The following OR2L13 variants were observed in gnomAD, a reference collection of about 807,000 sequenced individuals.
OR2L13 encodes olfactory receptor family 2 subfamily L member 13.
Under a neutral mutation model 15.3 loss-of-function variants are expected in OR2L13, and 14 were observed. The observed-to-expected ratio is 0.91, with a 90% CI of 0.60 to 1.43. The LOEUF (loss-of-function observed/expected upper bound fraction) is 1.43. OR2L13 is among the 40% of genes most tolerant of loss of function. OR2L13 has a pLI of 0.00. For synonymous variants in OR2L13, 152 were observed against 142.9 expected (o/e 1.06, Z -0.45); for missense variants, 367 against 387.9 (o/e 0.95, Z 0.45).
chr1:247,998,658 A>T, the OR2L13 span, among the ~76,000 whole-genome samples: 1 of 152,190 alleles, frequency 6.6e-6, no homozygotes, highest in Admixed American at 6.5e-5. Flanking sequence ...ACCAGTCTGT[A>T]GTGCAATGAT....
chr1:247,953,101 C>A, the OR2L13 span, among the ~76,000 whole-genome samples: 2 of 152,092 alleles, frequency 1.3e-5, no homozygotes, highest in East Asian at 3.9e-4. Context: ...AAAAAGAAGT[C>A]AAATTATTCA....
At chr1:247,952,564 A>G in the OR2L13 span, among the ~76,000 whole-genome samples, 2 of 152,198 alleles carry the variant, frequency 1.3e-5, no homozygotes, top group Non-Finnish European at 2.9e-5. Flanking sequence ...AGATTTCTCC[A>G]GACACTGAAT....
chr1:248,039,214 T>A, the OR2L13 span: 1 of 1,598,050 alleles, frequency 6.3e-7, no homozygotes, highest in South Asian at 1.1e-5. Context: ...TAGACATACG[T>A]TCTGTGTTAG....
the OR2L13 span, among the ~76,000 whole-genome samples, chr1:247,991,791 A>G: frequency 6.7e-6 from 1 of 149,668 alleles, no homozygotes; most frequent in Admixed American, 6.6e-5. Flanking sequence ...ATACATGCTT[A>G]GGCATGTGCC....
the OR2L13 span, among the ~76,000 whole-genome samples, chr1:247,994,123 A>G: frequency 5.9e-5 from 9 of 152,276 alleles, no homozygotes; most frequent in East Asian, 1.9e-4. Flanking sequence ...TTGGCCGGGC[A>G]CGGTAGCTCA....
chr1:248,099,308 T>G lies in OR2L13; in HGVS notation c.-18-50T>G, dbSNP rs149509550. ...GTTCCTTTTTGTTTTTCTATTGTGT[T>G]TTATTTCATGTTTTGTGCTTTGCTT... On this transcript the variant is annotated intron_variant, in intron 2 of 2. Transcript: ENST00000641714. 65 of 1,089,134 alleles carry G rather than the reference T, an allele frequency of 6.0e-5. No homozygotes were observed. The East Asian group carries it at 1.5e-3, about 25-fold the overall frequency. The allele number at this position is 1,089,134 out of a possible 1,614,324, so 67.5% of individuals were successfully genotyped here. A position where few individuals can be genotyped will look rare whatever the true frequency, so the allele number is the denominator to read the frequency against.
the OR2L13 span, among the ~76,000 whole-genome samples, chr1:248,052,481 C>T: frequency 6.6e-6 from 1 of 152,078 alleles, no homozygotes; most frequent in Non-Finnish European, 1.5e-5. Context: ...GTAATCCCAG[C>T]ACTTTGGGAG....
the OR2L13 span, among the ~76,000 whole-genome samples, chr1:247,970,104 T>C: frequency 1.8e-4 from 28 of 152,134 alleles, no homozygotes; most frequent in Non-Finnish European, 2.8e-4. Flanking sequence ...GGATGTTTTA[T>C]TTTTTTATTT....
the OR2L13 span, chr1:248,022,068 A>G: frequency 3.1e-6 from 5 of 1,613,830 alleles, no homozygotes; most frequent in South Asian, 5.5e-5. Context: ...TCTAATTGGA[A>G]ACCTATCCAT....
the OR2L13 span, among the ~76,000 whole-genome samples, chr1:248,049,814 T>C: frequency 2.0e-5 from 3 of 152,188 alleles, no homozygotes; most frequent in Non-Finnish European, 4.4e-5. Flanking sequence ...CAAAAAATTT[T>C]GAGGGATGAA....
chr1:247,960,350 A>AC, the OR2L13 span, among the ~76,000 whole-genome samples: 4 of 152,106 alleles, frequency 2.6e-5, no homozygotes, highest in Admixed American at 2.6e-4. Context: ...GTCCACCCCT[A>AC]CTGGGGGGTG....
the OR2L13 span, among the ~76,000 whole-genome samples, chr1:247,994,289 T>C: frequency 7.7e-4 from 117 of 152,074 alleles, no homozygotes; most frequent in South Asian, 8.5e-3. Flanking sequence ...CCCGGCTGCT[T>C]GAGAGGCTGA....
the OR2L13 span, among the ~76,000 whole-genome samples, chr1:247,998,616 A>C: frequency 6.6e-6 from 1 of 152,166 alleles, no homozygotes; most frequent in South Asian, 2.1e-4. Context: ...AAAGGGCATT[A>C]AAGTAAAGGC....
chr1:248,031,160 T>C, the OR2L13 span, among the ~76,000 whole-genome samples: 1 of 152,322 alleles, frequency 6.6e-6, no homozygotes, highest in South Asian at 2.1e-4. Context: ...CTGAAACAGA[T>C]GTATAATAAA....
chr1:247,975,836 GTTTTTGCTGTTTC>G, the OR2L13 span, among the ~76,000 whole-genome samples: 3 of 151,966 alleles, frequency 2.0e-5, no homozygotes, highest in African/African-American at 7.3e-5. Flanking sequence ...ATGTTGTTTT[GTTTTTGCTGTTTC>G]TTTTTATCAA....
At chr1:248,024,837 G>A in the OR2L13 span, among the ~76,000 whole-genome samples, 6,365 of 152,238 alleles carry the variant, frequency 0.042, 433 homozygotes, top group African/African-American at 0.14. Context: ...AAGTCAGGTA[G>A]TGTGATGCCC....
chr1:248,036,302 G>A, the OR2L13 span, among the ~76,000 whole-genome samples: 1 of 151,236 alleles, frequency 6.6e-6, no homozygotes, highest in African/African-American at 2.4e-5. Context: ...TTCATTTAAT[G>A]CGGTATCAAT....
At chr1:247,966,579 A>T in the OR2L13 span, among the ~76,000 whole-genome samples, 75,742 of 152,044 alleles carry the variant, frequency 0.5, 21,885 homozygotes, top group Non-Finnish European at 0.64. Context: ...TAACCTCAAG[A>T]TAATCTATAT....
chr1:248,053,489 C>G, the OR2L13 span, among the ~76,000 whole-genome samples: 2 of 152,198 alleles, frequency 1.3e-5, no homozygotes, highest in African/African-American at 2.4e-5. Context: ...AATGCCGGAT[C>G]AAATGGTATT....
Sources: allele counts gnomAD v4.1 joint callset (sites outside exome capture counted in the v4.1 genomes callset), GRCh38; gene constraint gnomAD v4.1.1; transcripts MANE v1.5; gene names NCBI Gene and HGNC (gene_info 2026-07-23, HGNC 2026-07-21).